The following MAGI1 variants were observed in gnomAD, a reference collection of about 807,000 sequenced individuals.
The protein encoded by MAGI1 is membrane-associated guanylate kinase, WW and PDZ domain-containing protein 1.
Under a neutral mutation model 139.9 loss-of-function variants are expected in MAGI1, and 58 were observed. The observed-to-expected ratio is 0.41, with a 90% CI of 0.34 to 0.52. The LOEUF (loss-of-function observed/expected upper bound fraction) is 0.52, where lower values mean the gene tolerates loss of function less well. Among genes scored for constraint, MAGI1 ranks in the 20% least tolerant of loss-of-function variants. The probability of loss-of-function intolerance (pLI) is 0.12; values close to 1 mark genes in which losing one functional copy is unlikely to be tolerated. For missense variants in MAGI1, 1,874 were observed against 1,901.6 expected (o/e 0.99, Z 0.27); for synonymous variants, 812 against 737.9 (o/e 1.10, Z -1.63).
At chr3:65,713,280 C>T (rs1351804081) in intron 1 of MAGI1, among the ~76,000 whole-genome samples, 1 of 152,146 alleles carries the variant, frequency 6.6e-6, no homozygotes, top group African/African-American at 2.4e-5. Context: ...ACCATGGAAA[C>T]TAGCCCGGGA....
chr3:65,369,055 C>T lies in MAGI1; in HGVS notation c.3197-4109G>A, dbSNP rs939098434. Among the ~76,000 whole-genome samples, 5 of 152,114 alleles carry T rather than the reference C, an allele frequency of 3.3e-5. No homozygotes were observed. In the East Asian group the frequency reaches 9.7e-4, roughly 29 times the overall value. On this transcript the variant is annotated intron_variant, in intron 18 of 22. Transcript: ENST00000402939. ...TCAGTAAGTTCAGCTATTCTCTGGG[C>T]CCTTCTGTGCTGCCATTGTGTATTT...
intron 2 of MAGI1, among the ~76,000 whole-genome samples, chr3:65,598,889 C>G (rs953877857): frequency 6.6e-6 from 1 of 152,180 alleles, no homozygotes; most frequent in African/African-American, 2.4e-5. Context: ...AGACCTCTAG[C>G]TTTGGAAAGG....
At chr3:66,027,699 C>T (rs887782834) in intron 1 of MAGI1, among the ~76,000 whole-genome samples, 3 of 152,204 alleles carry the variant, frequency 2.0e-5, no homozygotes, top group Non-Finnish European at 4.4e-5. Context: ...CAATTACTAG[C>T]ATATCCCTCC....
chr3:65,537,023 A>G (rs2078992153), intron 2 of MAGI1, among the ~76,000 whole-genome samples: 1 of 152,186 alleles, frequency 6.6e-6, no homozygotes, highest in Non-Finnish European at 1.5e-5. Flanking sequence ...GGCTATGACA[A>G]TGGAATGAAT....
chr3:65,373,547 C>A (rs1276908864), intron 18 of MAGI1, among the ~76,000 whole-genome samples: 7 of 152,148 alleles, frequency 4.6e-5, no homozygotes, highest in Admixed American at 4.6e-4. Flanking sequence ...AGCAGGGTGG[C>A]CACAAACCTT....
intron 1 of MAGI1, among the ~76,000 whole-genome samples, chr3:65,752,000 T>C (rs373366223): frequency 3.3e-5 from 5 of 152,332 alleles, no homozygotes; most frequent in African/African-American, 7.2e-5. Context: ...TGGAGTGCAG[T>C]GGCACAATCT....
chr3:65,418,808 T>C (rs1310418553), intron 12 of MAGI1, among the ~76,000 whole-genome samples: 1 of 150,798 alleles, frequency 6.6e-6, no homozygotes, highest in African/African-American at 2.4e-5. Flanking sequence ...TCCTCCCCTC[T>C]CCAGCCTCTC....
At chr3:65,625,897 T>C (rs1226834482) in intron 1 of MAGI1, among the ~76,000 whole-genome samples, 1 of 152,208 alleles carries the variant, frequency 6.6e-6, no homozygotes, top group Non-Finnish European at 1.5e-5. Context: ...TTAATAAACA[T>C]TTAGTGTGTG....
chr3:66,030,019 C>A (rs376474127), intron 1 of MAGI1, among the ~76,000 whole-genome samples: 2 of 152,136 alleles, frequency 1.3e-5, no homozygotes, highest in African/African-American at 4.8e-5. Context: ...TGCAGGGAAA[C>A]CTAAAATTGG....
At chr3:65,822,100 C>A (rs950268244) in intron 1 of MAGI1, among the ~76,000 whole-genome samples, 5 of 152,070 alleles carry the variant, frequency 3.3e-5, no homozygotes, top group African/African-American at 1.2e-4. Flanking sequence ...AGGTAATCCA[C>A]ACTATGGGAA....
chr3:65,564,428 C>A lies in MAGI1; in HGVS notation c.430+57544G>T, dbSNP rs372978824. Among the ~76,000 whole-genome samples, 22 of 152,194 alleles carry A rather than the reference C, an allele frequency of 1.4e-4. 1 individual carries two copies. In the South Asian group the frequency reaches 1.9e-3, roughly 13 times the overall value. Reference sequence around the variant, plus strand: ...GATTTTTCTTGTTTGCTGAATAGATCTAGCCAAGGCAAAGAGACAATGAGA... The same window carrying A: ...GATTTTTCTTGTTTGCTGAATAGATATAGCCAAGGCAAAGAGACAATGAGA... On this transcript the variant is annotated intron_variant, in intron 2 of 22. Coordinates refer to ENST00000402939, the MANE Select transcript of MAGI1 (RefSeq NM_001033057.2).
intron 1 of MAGI1, among the ~76,000 whole-genome samples, chr3:65,997,126 G>A (rs1281077558): frequency 6.6e-6 from 1 of 152,004 alleles, no homozygotes; most frequent in Non-Finnish European, 1.5e-5. Flanking sequence ...GGTTTTTGTT[G>A]TAGGGAGTAC....
intron 1 of MAGI1, among the ~76,000 whole-genome samples, chr3:65,706,770 G>A (rs950036426): frequency 2.0e-5 from 3 of 151,986 alleles, no homozygotes; most frequent in African/African-American, 4.8e-5. Flanking sequence ...TGGGTGGGGG[G>A]AACAGTATGG....
chr3:65,777,445 G>T (rs959104428), intron 1 of MAGI1, among the ~76,000 whole-genome samples: 2 of 152,002 alleles, frequency 1.3e-5, no homozygotes, highest in African/African-American at 4.8e-5. Context: ...AAAATAAAGG[G>T]ACTATATTTG....
In MAGI1 at chr3:65,963,615, C is replaced by CTAAATAAATAAA. The variant is rs200749979; in HGVS notation, c.313+74369_313+74380dup. ...TAGGTGACAAAGCGAGACTCAGTCT[C>CTAAATAAATAAA]TAAATAAATAAATAAATAAAAATAA... On this transcript the variant is annotated intron_variant, in intron 1 of 22. Transcript: ENST00000402939. Among the ~76,000 whole-genome samples the CTAAATAAATAAA allele has an allele frequency of 7.7e-4, 117 of 152,014 alleles. 1 individual carries two copies. Among genetic ancestry groups the CTAAATAAATAAA allele is most frequent in the African/African-American group, 2.7e-3 (111 of 41,366 alleles).
intron 1 of MAGI1, among the ~76,000 whole-genome samples, chr3:65,919,618 T>C (rs1019712123): frequency 6.6e-6 from 1 of 151,740 alleles, no homozygotes; most frequent in African/African-American, 2.4e-5. Context: ...AAAAAATGCT[T>C]ACACAAGAGA....
intron 4 of MAGI1, 65 bp downstream of exon 4, chr3:65,478,527 T>C (rs1951041881): frequency 6.7e-7 from 1 of 1,491,930 alleles, no homozygotes; most frequent in South Asian, 1.1e-5. Flanking sequence ...TTCAAAACTC[T>C]ATGCAAAAGC....
In MAGI1 at chr3:65,621,999, C is replaced by T. The variant is rs745454095; in HGVS notation, c.403G>A (p.Asp135Asn). 3.7e-6 allele frequency: 6 copies of T among 1,613,494 alleles called. No homozygotes were observed. The highest frequency in any genetic ancestry group is 1.3e-5 in the African/African-American group (1 of 74,954). ...GGCACAGCATGGCGGTAAAGGTTAT[C>T]CCTTATGGTCTGCTGGAGCTCATGA... is the stretch of plus-strand genomic sequence containing the variant. The part of the protein sequence containing the change: ...PDHELQQTIR[D>N]NLYRHAVPCT... The change falls in exon 2 of 23, where the codon GAT becomes AAT. Residue 135 changes from aspartate to asparagine, a missense_variant. This residue lies in a region of MAGI1 where 648 missense variants were observed against 598.1 expected (regional missense o/e 1.08). Transcript: ENST00000402939.
chr3:65,892,102 A>G (rs907733396), intron 1 of MAGI1, among the ~76,000 whole-genome samples: 4 of 151,540 alleles, frequency 2.6e-5, no homozygotes, highest in Non-Finnish European at 1.5e-5. Flanking sequence ...CTTTAATTAG[A>G]GTCTCTGAAA....
Sources: gnomAD v4.1 joint callset for allele counts (sites outside exome capture counted in the v4.1 genomes callset) on GRCh38, gnomAD v4.1.1 for gene constraint, gnomAD v4.1.1 regional missense constraint, MANE v1.5 for transcripts, NCBI Gene and HGNC (gene_info 2026-07-23, HGNC 2026-07-21) for gene names.